UBE2K: variants seen among roughly 807,000 people sequenced by gnomAD.
UBE2K encodes the protein ubiquitin-conjugating enzyme E2 K.
UBE2K carries 6 observed loss-of-function variants against 30.0 expected under a neutral mutation model. That is an observed-to-expected ratio of 0.20 (90% confidence interval 0.11 to 0.39). UBE2K has a LOEUF of 0.39. Ranked by LOEUF, UBE2K falls within the 10% of genes least tolerant of loss-of-function variation. The probability of loss-of-function intolerance (pLI) is 1.00; values close to 1 mark genes in which losing one functional copy is unlikely to be tolerated. For synonymous variants in UBE2K, 86 were observed against 83.7 expected, an observed-to-expected ratio of 1.03 and a Z score of -0.15; for missense variants, 61 against 241.6, an observed-to-expected ratio of 0.25 and a Z score of 4.96.
chr4:39,741,134 G>T (rs1015872055), intron 2 of UBE2K, among the ~76,000 whole-genome samples: 1 of 152,048 alleles, frequency 6.6e-6, no homozygotes, highest in Non-Finnish European at 1.5e-5. Flanking sequence ...AGCTGGGTGT[G>T]GTGGCGTGCG....
intron 1 of UBE2K, among the ~76,000 whole-genome samples, chr4:39,698,641 C>T (rs958850509): frequency 6.6e-6 from 1 of 152,030 alleles, no homozygotes; most frequent in Non-Finnish European, 1.5e-5. Context: ...GGACAGGGGG[C>T]AACTCCTCGG....
At chr4:39,744,952 A>G (rs188966789) in intron 2 of UBE2K, among the ~76,000 whole-genome samples, 126 of 150,042 alleles carry the variant, frequency 8.4e-4, no homozygotes, top group African/African-American at 3.1e-3. Flanking sequence ...ATAAATAAAT[A>G]AATGAAGGAA....
At chr4:39,717,961 C>T (rs1407757688) in intron 1 of UBE2K, among the ~76,000 whole-genome samples, 5 of 151,482 alleles carry the variant, frequency 3.3e-5, no homozygotes, top group South Asian at 2.1e-4. Flanking sequence ...CAGACCTTTG[C>T]GGTGAGTGTT....
At position 39,714,529 on chromosome 4, in the gene UBE2K, TA is replaced by T. The variant is rs1560343573; in HGVS notation, c.63+16140del. 13 of 29,938 alleles carry T rather than the reference TA, an allele frequency of 4.3e-4. 1 individual carries two copies. The East Asian group carries it at 0.012, about 27-fold the overall frequency. The allele number at this position is 29,938 out of a possible 1,614,324, so 1.9% of individuals were successfully genotyped here. ...CTTTTAGAAGTTTCATATATATATA[TA>T]TATATATATATATATATATATTTTT... On this transcript the variant is annotated intron_variant, in intron 1 of 6. Transcript: ENST00000261427.
intron 1 of UBE2K, among the ~76,000 whole-genome samples, chr4:39,728,481 G>A (rs1260841439): frequency 2.6e-5 from 4 of 152,128 alleles, no homozygotes; most frequent in African/African-American, 9.7e-5. Context: ...AGGTATTATT[G>A]TTGATCGTTC....
At position 39,711,088 on chromosome 4, in the gene UBE2K, CT is replaced by C. The variant is rs564074791; in HGVS notation, c.63+12708del. 5.5e-3 allele frequency among the ~76,000 whole-genome samples: 706 copies of C among 127,504 alleles called. 8 individuals are homozygous for C. Among genetic ancestry groups the C allele is most frequent in the African/African-American group, 0.019 (656 of 34,376 alleles). The allele number at this position is 127,504 out of a possible 152,430, so 83.6% of individuals were successfully genotyped here. ...AATTTAAAAATAAAATACTTTTTTG[CT>C]TTTTTTTTTAAAGTTTTTTTTAAAA... On this transcript the variant is annotated intron_variant, in intron 1 of 6. Coordinates refer to ENST00000261427, the MANE Select transcript of UBE2K (RefSeq NM_005339.5).
At chr4:39,777,563 C>T (rs1438789954) in intron 5 of UBE2K, 119 bp from the exon 6 acceptor site, 34 of 996,672 alleles carry the variant, frequency 3.4e-5, no homozygotes, top group Non-Finnish European at 4.3e-5. Context: ...CAAAGTGAAT[C>T]ACATTTTAAA....
intron 1 of UBE2K, among the ~76,000 whole-genome samples, chr4:39,703,801 G>T (rs999458700): frequency 6.9e-6 from 1 of 144,556 alleles, no homozygotes; most frequent in Non-Finnish European, 1.5e-5. Context: ...GAGCGAGATG[G>T]CACCACTGCA....
chr4:39,721,273 G>T (rs1719405593), intron 1 of UBE2K, among the ~76,000 whole-genome samples: 2 of 152,156 alleles, frequency 1.3e-5, no homozygotes, highest in African/African-American at 4.8e-5. Context: ...GGGCAAGAAT[G>T]AACTCAGGAT....
rs373737374 is a variant in UBE2K, at chr4:39,770,125, C to T, written c.300-4709C>T. The T allele has an allele frequency of 3.0e-5, 47 of 1,591,298 alleles. No individual in the cohort carries two copies. The African/African-American group carries it at 4.5e-4, about 15-fold the overall frequency. On this transcript the variant is annotated intron_variant, in intron 4 of 6. Transcript: ENST00000261427. ...ATCTCGGCCACACTGGTCTCCAGCA[C>T]GTTCTCGGCGGTGGTCTTGCCGTGT...
At chr4:39,772,714 G>A (rs1022619259) in intron 4 of UBE2K, among the ~76,000 whole-genome samples, 13 of 146,464 alleles carry the variant, frequency 8.9e-5, no homozygotes, top group African/African-American at 2.8e-4. Flanking sequence ...TTGAGATGGA[G>A]TCTCGCTCTG....
intron 1 of UBE2K, among the ~76,000 whole-genome samples, chr4:39,713,292 T>TTTTTTTTTTTA (rs1718819690): frequency 7.4e-6 from 1 of 134,868 alleles, no homozygotes; most frequent in Non-Finnish European, 1.6e-5. Flanking sequence ...GGAAATTTTT[T>TTTTTTTTTTTA]TTTTTTTTTT....
intron 3 of UBE2K, among the ~76,000 whole-genome samples, chr4:39,746,708 T>C (rs1721006573): frequency 6.6e-6 from 1 of 152,214 alleles, no homozygotes; most frequent in South Asian, 2.1e-4. Flanking sequence ...GTGATGCTTA[T>C]TCTTCCACAG....
intron 1 of UBE2K, among the ~76,000 whole-genome samples, chr4:39,701,760 G>GT (rs200854243): frequency 0.12 from 17,712 of 144,574 alleles, 1,180 homozygotes; most frequent in East Asian, 0.22. Flanking sequence ...TTTCTTTCAT[G>GT]TTTTTTTTTT....
intron 1 of UBE2K, among the ~76,000 whole-genome samples, chr4:39,718,719 C>T (rs545512516): frequency 1.2e-4 from 18 of 152,332 alleles, no homozygotes; most frequent in African/African-American, 2.6e-4. Flanking sequence ...GGGACCCGGC[C>T]GCATCCTCCG....
intron 2 of UBE2K, among the ~76,000 whole-genome samples, chr4:39,741,615 A>G (rs1720708361): frequency 6.6e-6 from 1 of 152,232 alleles, no homozygotes; most frequent in Non-Finnish European, 1.5e-5. Flanking sequence ...CTGTTTTTGT[A>G]GTATTTAAAG....
At chr4:39,739,442 ATTTTTTTTT>A (rs35957337) in intron 2 of UBE2K, among the ~76,000 whole-genome samples, 5 of 105,782 alleles carry the variant, frequency 4.7e-5, no homozygotes, top group African/African-American at 1.6e-4. Context: ...CTGTTTATTC[ATTTTTTTTT>A]TTTTTTTTTT....
chr4:39,724,432 C>T (rs1385479964), intron 1 of UBE2K, among the ~76,000 whole-genome samples: 1 of 151,658 alleles, frequency 6.6e-6, no homozygotes, highest in Non-Finnish European at 1.5e-5. Flanking sequence ...TCTTCTAGTA[C>T]ACCTTGTAAT....
chr4:39,771,075 A>G, intron 4 of UBE2K: 1 of 1,612,510 alleles, frequency 6.2e-7, no homozygotes, highest in Non-Finnish European at 8.5e-7. Flanking sequence ...GGCTGAGGGC[A>G]TTCTGGCATT....
Sources: gnomAD v4.1 joint callset for allele counts (sites outside exome capture counted in the v4.1 genomes callset) on GRCh38, gnomAD v4.1.1 for gene constraint, MANE v1.5 for transcripts, NCBI Gene and HGNC (gene_info 2026-07-23, HGNC 2026-07-21) for gene names.